SPRYD7: variants seen among roughly 807,000 people sequenced by gnomAD.
SPRYD7 encodes the protein SPRY domain containing 7.
Under a neutral mutation model 23.8 loss-of-function variants are expected in SPRYD7, and 14 were observed. That is an observed-to-expected ratio of 0.59 (90% confidence interval 0.39 to 0.92). The LOEUF is 0.92. SPRYD7 is among the 40% of genes least tolerant of loss of function. The pLI, the probability that SPRYD7 is intolerant of heterozygous loss-of-function variation, is 0.00. For synonymous variants in SPRYD7, 75 were observed against 84.9 expected (o/e 0.88, Z 0.64); for missense variants, 194 against 241.7 (o/e 0.80, Z 1.31).
intron 2 of SPRYD7, 119 bp downstream of exon 2, chr13:49,930,899 A>G: frequency 1.7e-6 from 1 of 581,138 alleles, no homozygotes; most frequent in Non-Finnish European, 3.0e-6. Context: ...TGGAAGACCC[A>G]GATCTTCTAA....
At chr13:49,931,733 G>A (rs1356530047) in intron 1 of SPRYD7, among the ~76,000 whole-genome samples, 1 of 152,186 alleles carries the variant, frequency 6.6e-6, no homozygotes, top group African/African-American at 2.4e-5. Flanking sequence ...CAGACTGCTT[G>A]AGTGCAGGAA....
At position 49,936,318 on chromosome 13, in the gene SPRYD7, GC is replaced by G. The variant is rs1871633457; in HGVS notation, c.-84del. 9.9e-7 allele frequency: 1 copy of G among 1,010,152 alleles called. No individual in the cohort carries two copies. Among genetic ancestry groups the G allele is most frequent in the Non-Finnish European group, 1.4e-6 (1 of 701,298 alleles). 62.6% of individuals were successfully genotyped at this position (1,010,152 alleles called of 1,614,324 possible). On this transcript the variant is annotated 5_prime_UTR_variant, in exon 1 of 5. Transcript: ENST00000361840. ...CCGCTCAGCTCCGTCTCCTGCCCCC[GC>G]CCGAGGTCCGGACTTGTCTATGTGG...
intron 4 of SPRYD7, among the ~76,000 whole-genome samples, chr13:49,920,280 C>CAAAA: frequency 7.0e-6 from 1 of 142,096 alleles, no homozygotes; most frequent in Middle Eastern, 3.5e-3. Context: ...CAAAACAAAA[C>CAAAA]AAAAAAACAA....
At chr13:49,935,943 C>T (rs1158174323) in intron 1 of SPRYD7, among the ~76,000 whole-genome samples, 187 bp downstream of exon 1, 1 of 152,138 alleles carries the variant, frequency 6.6e-6, no homozygotes, top group Non-Finnish European at 1.5e-5. Context: ...GCTGCGCAGC[C>T]TTGAACACAG....
chr13:49,936,034 C>T, intron 1 of SPRYD7, 96 bp downstream of exon 1: 1 of 619,386 alleles, frequency 1.6e-6, no homozygotes, highest in Non-Finnish European at 2.4e-6. Flanking sequence ...GCCGGCGCGG[C>T]GGGGCAGCGT....
At chr13:49,931,611 C>T (rs1871379631) in intron 1 of SPRYD7, among the ~76,000 whole-genome samples, 1 of 152,098 alleles carries the variant, frequency 6.6e-6, no homozygotes, top group South Asian at 2.1e-4. Flanking sequence ...ACTATTTTTT[C>T]CTAAGAGAAC....
At chr13:49,921,774 C>T (rs919377641) in intron 3 of SPRYD7, among the ~76,000 whole-genome samples, 194 bp from the exon 4 acceptor site, 11 of 152,184 alleles carry the variant, frequency 7.2e-5, no homozygotes, top group African/African-American at 2.7e-4. Context: ...AGTCAGGTAA[C>T]ATCCCAAGAG....
At position 49,914,933 on chromosome 13, in the gene SPRYD7, T is replaced by C. The variant is rs183537153; in HGVS notation, c.*130A>G. 332 of 469,100 alleles carry C rather than the reference T, an allele frequency of 7.1e-4. No homozygotes were observed. The highest frequency in any genetic ancestry group is 5.7e-4 in the Middle Eastern group (1 of 1,744). 29.1% of individuals were successfully genotyped at this position (469,100 alleles called of 1,614,324 possible). ...ACTTCAGGGTGGTATACTGAATACATTGGTTCCTTAGACAGCATCAACAAG... is the reference window on the plus strand; with the variant it reads ...ACTTCAGGGTGGTATACTGAATACACTGGTTCCTTAGACAGCATCAACAAG... On this transcript the variant is annotated 3_prime_UTR_variant, in exon 5 of 5. Transcript: ENST00000361840.
Position 49,936,186 on chromosome 13 carries a change from G to C in SPRYD7, c.50C>G (p.Thr17Ser). The part of the protein sequence containing the change: ...CCLRCCRDGG[T>S]GHIPLKEMPA... ...CATCTCCTTCAGAGGGATGTGGCCA[G>C]TCCCCCCGTCTCTGCAGCACCGCAG... Residue 17 changes from threonine (T) to serine (S), a missense_variant, in exon 1 of 5, where the codon ACT becomes AGT. Coordinates refer to ENST00000361840, the MANE Select transcript of SPRYD7 (RefSeq NM_020456.4). 6.2e-7 allele frequency: 1 copy of C among 1,609,846 alleles called. No individual in the cohort carries two copies. Among genetic ancestry groups the C allele is most frequent in the Non-Finnish European group, 8.5e-7 (1 of 1,179,012 alleles).
chr13:49,932,456 G>A (rs1686230138), intron 1 of SPRYD7, among the ~76,000 whole-genome samples: 1 of 152,188 alleles, frequency 6.6e-6, no homozygotes, highest in African/African-American at 2.4e-5. Flanking sequence ...CTCCTGATGT[G>A]ATCCTAGTAC....
chr13:49,920,248 C>CACAAA (rs1955803071), intron 4 of SPRYD7, among the ~76,000 whole-genome samples: 2 of 138,302 alleles, frequency 1.4e-5, no homozygotes, highest in African/African-American at 2.9e-5. Context: ...AAGACTCTGT[C>CACAAA]GCAAAACAAA....
At chr13:49,931,847 C>T (rs1482313704) in intron 1 of SPRYD7, among the ~76,000 whole-genome samples, 1 of 152,070 alleles carries the variant, frequency 6.6e-6, no homozygotes, top group East Asian at 1.9e-4. Flanking sequence ...ACTTGGGAGG[C>T]CGAGGTGGGA....
chr13:49,933,884 C>T (rs914490280), intron 1 of SPRYD7, among the ~76,000 whole-genome samples: 2 of 151,858 alleles, frequency 1.3e-5, no homozygotes, highest in Admixed American at 6.6e-5. Flanking sequence ...TCTAAAATGT[C>T]GATTCACAAT....
intron 3 of SPRYD7, among the ~76,000 whole-genome samples, chr13:49,923,535 C>T (rs1315201138): frequency 2.6e-5 from 4 of 152,190 alleles, no homozygotes; most frequent in African/African-American, 4.8e-5. Flanking sequence ...TTGGCCACCG[C>T]GCCCAGCCTC....
chr13:49,918,137 A>C (rs1955772918), intron 4 of SPRYD7, among the ~76,000 whole-genome samples: 1 of 152,126 alleles, frequency 6.6e-6, no homozygotes, highest in African/African-American at 2.4e-5. Flanking sequence ...ATCACTGCTC[A>C]CAGGAGACTT....
intron 4 of SPRYD7, among the ~76,000 whole-genome samples, chr13:49,917,990 T>C (rs963284644): frequency 6.6e-6 from 1 of 152,246 alleles, no homozygotes; most frequent in African/African-American, 2.4e-5. Flanking sequence ...TTATTATTTA[T>C]ATTTGTTATT....
At chr13:49,927,689 T>C (rs184290942) in intron 3 of SPRYD7, among the ~76,000 whole-genome samples, 2 of 152,184 alleles carry the variant, frequency 1.3e-5, no homozygotes, top group African/African-American at 4.8e-5. Context: ...AGAGTAGAAA[T>C]AAGGGTTCAC....
At chr13:49,928,893 T>C (rs1275753039) in intron 2 of SPRYD7, among the ~76,000 whole-genome samples, 3 of 152,186 alleles carry the variant, frequency 2.0e-5, no homozygotes, top group African/African-American at 7.2e-5. Flanking sequence ...ACATCTACAA[T>C]GAGTGACAAA....
chr13:49,918,113 G>A (rs1365725197), intron 4 of SPRYD7, among the ~76,000 whole-genome samples: 1 of 152,156 alleles, frequency 6.6e-6, no homozygotes. Flanking sequence ...AGGCTGGAGT[G>A]CAGCGGCACG....
Sources: gnomAD v4.1 joint callset for allele counts (sites outside exome capture counted in the v4.1 genomes callset) on GRCh38, gnomAD v4.1.1 for gene constraint, MANE v1.5 for transcripts, NCBI Gene and HGNC (gene_info 2026-07-23, HGNC 2026-07-21) for gene names.